Variants in LAMA1 observed in about 807,000 individuals in gnomAD.
The protein encoded by LAMA1 is laminin subunit alpha-1.
LAMA1 carries 219 observed loss-of-function variants against 348.7 expected under a neutral mutation model. The observed-to-expected ratio is 0.63, with a 90% CI of 0.56 to 0.70. The LOEUF is 0.70. LAMA1 is among the 30% of genes least tolerant of loss of function. LAMA1 has a pLI of 0.00. For synonymous variants in LAMA1, 1,487 were observed against 1,491.0 expected, an observed-to-expected ratio of 1.00 and a Z score of 0.06; for missense variants, 3,744 against 3,888.0, an observed-to-expected ratio of 0.96 and a Z score of 0.99.
chr18:6,981,019 C>T (rs1449482854), intron 41 of LAMA1, among the ~76,000 whole-genome samples: 2 of 151,442 alleles, frequency 1.3e-5, no homozygotes, highest in East Asian at 1.9e-4. Context: ...AGGAGAATGG[C>T]GTGAACCCGG....
intron 3 of LAMA1, among the ~76,000 whole-genome samples, chr18:7,055,346 G>A (rs2058077342): frequency 6.6e-6 from 1 of 151,366 alleles, no homozygotes; most frequent in Admixed American, 6.6e-5. Context: ...CCAGCTAATT[G>A]GGAGGCTGAG....
chr18:7,067,581 G>A lies in LAMA1; in HGVS notation c.345+12394C>T, dbSNP rs1055639094. 2.0e-5 allele frequency among the ~76,000 whole-genome samples: 3 copies of A among 152,124 alleles called. No homozygotes were observed. The East Asian group carries it at 5.8e-4, about 29-fold the overall frequency. ...GGGAGCCTTTTGGGGTGACGCAAAC[G>A]TTCTATACCAAGGGAATGGCTTATA... On this transcript the variant is annotated intron_variant, in intron 3 of 62. Transcript: ENST00000389658.
intron 1 of LAMA1, among the ~76,000 whole-genome samples, chr18:7,111,023 T>G (rs184100336): frequency 8.5e-5 from 13 of 152,266 alleles, no homozygotes; most frequent in Admixed American, 6.5e-4. Context: ...TGGAACAAGA[T>G]GCAGGAAATA....
At chr18:6,943,151 T>C (rs1450849174) in intron 62 of LAMA1, 29 bp downstream of exon 62, 7 of 1,589,270 alleles carry the variant, frequency 4.4e-6, no homozygotes, top group Non-Finnish European at 5.2e-6. Flanking sequence ...GTGCCCCTTT[T>C]GAGTGGAAGA....
intron 1 of LAMA1, among the ~76,000 whole-genome samples, chr18:7,094,036 C>T (rs141531645): frequency 6.6e-6 from 1 of 152,182 alleles, no homozygotes; most frequent in East Asian, 1.9e-4. Flanking sequence ...CTCAGTCTCC[C>T]AAAGTGCCAG....
At chr18:7,067,790 C>T (rs1174390554) in intron 3 of LAMA1, among the ~76,000 whole-genome samples, 1 of 152,082 alleles carries the variant, frequency 6.6e-6, no homozygotes, top group Non-Finnish European at 1.5e-5. Flanking sequence ...CCTTTCCCAC[C>T]CTGCTCTTCC....
rs139372717 is a variant in LAMA1, at chr18:7,010,383, G to A, written c.3690C>T (p.Leu1230=). 6 of 1,613,706 alleles carry A rather than the reference G, an allele frequency of 3.7e-6. No homozygotes were observed. The African/African-American group carries it at 6.7e-5, about 18-fold the overall frequency. Residue 1230 remains leucine (L), a splice_region_variant and synonymous_variant, in exon 26 of 63, where the codon CTC becomes CTT. Coordinates refer to ENST00000389658, the MANE Select transcript of LAMA1 (RefSeq NM_005559.4). ...RLPQQFQGDQ[L]MAYGGKLKYS... ...ACTTCAGTTTGCCACCATAGGCCAT[G>A]AGCTATCAAATAATAAAGTGTTGTT...
At chr18:7,092,745 G>T (rs1448706424) in intron 1 of LAMA1, among the ~76,000 whole-genome samples, 6 of 151,892 alleles carry the variant, frequency 4.0e-5, no homozygotes, top group African/African-American at 7.3e-5. Flanking sequence ...TGTCAAAAAT[G>T]ATCTTTCTCT....
At chr18:6,997,095 T>C (rs1450153805) in intron 33 of LAMA1, among the ~76,000 whole-genome samples, 3 of 152,160 alleles carry the variant, frequency 2.0e-5, no homozygotes, top group Admixed American at 1.3e-4. Flanking sequence ...GATGGAGTCT[T>C]GCTCTGTCGC....
Position 7,008,548 on chromosome 18 carries a change from CTCT to C in LAMA1, c.4059_4061del (p.Glu1354del), listed in dbSNP as rs1362066660. The C allele has an allele frequency of 6.2e-7, 1 of 1,613,952 alleles. No individual in the cohort carries two copies. Among genetic ancestry groups the C allele is most frequent in the African/African-American group, 1.3e-5 (1 of 74,916 alleles). On this transcript the variant is annotated inframe_deletion, in exon 28 of 63. Coordinates refer to ENST00000389658, the MANE Select transcript of LAMA1 (RefSeq NM_005559.4). Reference sequence around the variant, plus strand: ...CACAATTCTCTAAAAGAGATGCAACCTCTTCTTCTGGGTGCAGCTTTTCAGCCT... The same window carrying C: ...CACAATTCTCTAAAAGAGATGCAACCTCTTCTGGGTGCAGCTTTTCAGCCT...
Position 6,948,467 on chromosome 18 carries a change from C to T in LAMA1, c.8646G>A (p.Val2882=), listed in dbSNP as rs1600339693. 5 of 1,614,050 alleles carry T rather than the reference C, an allele frequency of 3.1e-6. No individual in the cohort carries two copies. In the South Asian group the frequency reaches 5.5e-5, roughly 18 times the overall value. ...CCTGGGCCACTGCGTAGCACCTGTT[C>T]ACCGTGAAGGCAGACACCGGGCTGT... is the stretch of plus-strand genomic sequence containing the variant. ...DKDSPVSAFT[V]NRCYAVAQEG... is the part of the protein sequence containing the mutation. The change falls in exon 60 of 63, where the codon GTG becomes GTA. Residue 2882 remains valine (V), a synonymous_variant. Coordinates refer to ENST00000389658, the MANE Select transcript of LAMA1 (RefSeq NM_005559.4).
Position 6,950,865 on chromosome 18 carries a change from G to C in LAMA1, c.8314C>G (p.Arg2772Gly). The C allele has an allele frequency of 6.2e-7, 1 of 1,614,116 alleles. No individual in the cohort carries two copies. The highest frequency in any genetic ancestry group is 8.5e-7 in the Non-Finnish European group (1 of 1,180,024). ...DYAVLQLHGGRLHFMFDLGKG... is the reference protein window; with the variant it reads ...DYAVLQLHGGGLHFMFDLGKG... ...CCAAGGTCAAACATGAAGTGGAGGC[G>C]GCCCCCGTGCAGCTGGAGCACAGCG... The change falls in exon 58 of 63, where the codon CGC (arginine) becomes GGC (glycine). Residue 2772 changes from arginine (R) to glycine (G), a missense_variant. Arg to Gly is a moderately radical substitution (Grantham distance 125). Transcript: ENST00000389658.
At chr18:6,969,704 G>A (rs573653593) in intron 48 of LAMA1, among the ~76,000 whole-genome samples, 40 of 152,174 alleles carry the variant, frequency 2.6e-4, no homozygotes, top group Non-Finnish European at 3.5e-4. Flanking sequence ...CCAGCCCTCC[G>A]TCAAAAAGCC....
chr18:6,982,757 A>G (rs1337806316), intron 40 of LAMA1, among the ~76,000 whole-genome samples, 167 bp from the exon 41 acceptor site: 1 of 152,170 alleles, frequency 6.6e-6, no homozygotes, highest in African/African-American at 2.4e-5. Context: ...AGAGAAAACA[A>G]AGACATTTTT....
chr18:6,978,521 G>T (rs1600366764), intron 42 of LAMA1, 143 bp from the exon 43 acceptor site: 1 of 837,592 alleles, frequency 1.2e-6, no homozygotes, highest in Non-Finnish European at 1.9e-6. Flanking sequence ...TTGTCTGTTT[G>T]CTTTTTTTTC....
intron 16 of LAMA1, among the ~76,000 whole-genome samples, chr18:7,030,423 G>A (rs1228935490): frequency 6.6e-6 from 1 of 152,098 alleles, no homozygotes; most frequent in Non-Finnish European, 1.5e-5. Context: ...ATGGTGTGGG[G>A]TCCTGGGTTC....
intron 1 of LAMA1, among the ~76,000 whole-genome samples, chr18:7,107,119 TC>T (rs1178484534): frequency 3.1e-5 from 3 of 97,282 alleles, no homozygotes; most frequent in African/African-American, 1.5e-4. Context: ...TGGAGAAAAC[TC>T]CTTTTTTTTT....
At chr18:6,975,122 G>A (rs993040104) in intron 45 of LAMA1, 86 bp from the exon 46 acceptor site, 17 of 1,449,022 alleles carry the variant, frequency 1.2e-5, no homozygotes, top group Middle Eastern at 1.9e-4. Context: ...CAATTCTTAC[G>A]GGGTTTTCTC....
At chr18:7,112,657 A>T (rs1209367280) in intron 1 of LAMA1, among the ~76,000 whole-genome samples, 1 of 147,576 alleles carries the variant, frequency 6.8e-6, no homozygotes, top group African/African-American at 2.5e-5. Flanking sequence ...TTTTTTTGAG[A>T]CAGAGTTTCA....
Sources: allele counts gnomAD v4.1 joint callset (sites outside exome capture counted in the v4.1 genomes callset), GRCh38; gene constraint gnomAD v4.1.1; transcripts MANE v1.5; gene names NCBI Gene and HGNC (gene_info 2026-07-23, HGNC 2026-07-21).